Variants in PDSS2 observed in about 807,000 individuals in gnomAD.
PDSS2 encodes decaprenyl diphosphate synthase subunit 2.
PDSS2 carries 31 observed loss-of-function variants against 44.5 expected under a neutral mutation model. That is an observed-to-expected ratio of 0.70 (90% CI 0.52 to 0.94). PDSS2 has a LOEUF of 0.94. Ranked by LOEUF, PDSS2 falls within the 40% of genes least tolerant of loss-of-function variation. PDSS2 has a pLI of 0.00. For synonymous variants in PDSS2, 157 were observed against 180.3 expected (o/e 0.87, Z 1.03); for missense variants, 452 against 482.2 (o/e 0.94, Z 0.59).
intron 1 of PDSS2, among the ~76,000 whole-genome samples, chr6:107,345,178 G>A (rs1490884034): frequency 6.6e-6 from 1 of 151,852 alleles, no homozygotes. Flanking sequence ...CAGCCCGTCT[G>A]TGCAGAGAAT....
In PDSS2 at chr6:107,421,928, T is replaced by C. The variant is rs1450262198; in HGVS notation, c.296+37062A>G. Among the ~76,000 whole-genome samples, 7 of 151,948 alleles carry C rather than the reference T, an allele frequency of 4.6e-5. No homozygotes were observed. In the East Asian group the frequency reaches 1.2e-3, roughly 25 times the overall value. On this transcript the variant is annotated intron_variant, in intron 1 of 7. Coordinates refer to ENST00000369037, the MANE Select transcript of PDSS2 (RefSeq NM_020381.4). ...AATGCCAATTTCCTGGTTTAAATAATGTTCTATACTTATGCAAGATGTTAC... is the reference window on the plus strand; with the variant it reads ...AATGCCAATTTCCTGGTTTAAATAACGTTCTATACTTATGCAAGATGTTAC...
intron 1 of PDSS2, among the ~76,000 whole-genome samples, chr6:107,457,509 C>T (rs1358065646): frequency 6.6e-6 from 1 of 152,172 alleles, no homozygotes; most frequent in Non-Finnish European, 1.5e-5. Context: ...GTGGGTCTGT[C>T]CTGGGAATTG....
intron 6 of PDSS2, among the ~76,000 whole-genome samples, chr6:107,195,481 C>CAA (rs762125818): frequency 0.026 from 2,246 of 87,654 alleles, 86 homozygotes; most frequent in African/African-American, 0.07. Context: ...GATCCTGTCT[C>CAA]AAAAAAAAAA....
chr6:107,389,036 G>A (rs1399370188), intron 1 of PDSS2, among the ~76,000 whole-genome samples: 1 of 152,136 alleles, frequency 6.6e-6, no homozygotes, highest in Non-Finnish European at 1.5e-5. Flanking sequence ...CTAAAGTAAG[G>A]AATAGAAAAC....
At chr6:107,212,355 A>C in intron 4 of PDSS2, 73 bp from the exon 5 acceptor site, 1 of 1,294,788 alleles carries the variant, frequency 7.7e-7, no homozygotes, top group Non-Finnish European at 1.1e-6. Context: ...TTGAAGAATA[A>C]AAAAGTTAAG....
chr6:107,203,690 T>C (rs78908378), intron 6 of PDSS2, among the ~76,000 whole-genome samples: 3,128 of 152,220 alleles, frequency 0.021, 103 homozygotes, highest in African/African-American at 0.072. Flanking sequence ...TTTAATCATT[T>C]AAAACAGTAT....
At chr6:107,173,572 C>CAAAAAAAAAAAAAAAAAAAAAAAAAA (rs71012783) in intron 7 of PDSS2, among the ~76,000 whole-genome samples, 8 of 41,512 alleles carry the variant, frequency 1.9e-4, no homozygotes, top group African/African-American at 8.8e-4. Context: ...GACTCTGTCT[C>CAAAAAAAAAAAAAAAAAAAAAAAAAA]AAAAAAAAAA....
At chr6:107,421,095 G>A (rs566821629) in intron 1 of PDSS2, among the ~76,000 whole-genome samples, 1 of 152,202 alleles carries the variant, frequency 6.6e-6, no homozygotes, top group African/African-American at 2.4e-5. Flanking sequence ...ATGAAAAAAC[G>A]TTCGACATCA....
chr6:107,321,481 C>G (rs1304447741), intron 2 of PDSS2, among the ~76,000 whole-genome samples: 1 of 152,200 alleles, frequency 6.6e-6, no homozygotes, highest in Non-Finnish European at 1.5e-5. Context: ...CTTCTATGTT[C>G]TAGCTCTAAA....
At chr6:107,279,304 A>G (rs1377398722) in intron 2 of PDSS2, among the ~76,000 whole-genome samples, 2 of 152,224 alleles carry the variant, frequency 1.3e-5, no homozygotes, top group African/African-American at 4.8e-5. Context: ...AAAGTTATCA[A>G]TGTTACCATC....
chr6:107,164,253 G>A (rs1307242169), intron 7 of PDSS2, among the ~76,000 whole-genome samples: 4 of 152,066 alleles, frequency 2.6e-5, no homozygotes, highest in African/African-American at 7.2e-5. Context: ...TGCCATGTTG[G>A]TGTGCTGCAT....
At chr6:107,277,999 A>C (rs963044933) in intron 2 of PDSS2, among the ~76,000 whole-genome samples, 6 of 151,514 alleles carry the variant, frequency 4.0e-5, no homozygotes, top group African/African-American at 1.4e-4. Flanking sequence ...ATAAATAAAT[A>C]AATATAAAAT....
chr6:107,225,137 T>TATATATATATATATATATATATA (rs1446558243), intron 4 of PDSS2, among the ~76,000 whole-genome samples: 1 of 62,396 alleles, frequency 1.6e-5, no homozygotes, highest in Admixed American at 2.4e-4. Flanking sequence ...ATATATATTT[T>TATATATATATATATATATATATA]TATATATATA....
chr6:107,357,184 T>C (rs1303606448), intron 1 of PDSS2, among the ~76,000 whole-genome samples: 2 of 152,148 alleles, frequency 1.3e-5, no homozygotes, highest in Non-Finnish European at 2.9e-5. Flanking sequence ...ACAGGAACTC[T>C]AGTCTTCCTG....
intron 2 of PDSS2, among the ~76,000 whole-genome samples, chr6:107,300,425 C>T (rs568969110): frequency 1.3e-5 from 2 of 152,232 alleles, no homozygotes; most frequent in Admixed American, 1.3e-4. Flanking sequence ...GACTGAGAGA[C>T]AGGACAAGCT....
chr6:107,280,522 T>C (rs1238109838), intron 2 of PDSS2, among the ~76,000 whole-genome samples: 1 of 152,234 alleles, frequency 6.6e-6, no homozygotes, highest in African/African-American at 2.4e-5. Flanking sequence ...AAATTTCATC[T>C]GCTTTTGATC....
intron 1 of PDSS2, among the ~76,000 whole-genome samples, chr6:107,454,939 G>A (rs147349132): frequency 6.6e-6 from 1 of 152,258 alleles, no homozygotes; most frequent in East Asian, 1.9e-4. Flanking sequence ...AATATATACA[G>A]ATACATATCC....
chr6:107,207,495 T>C (rs1773022357), intron 6 of PDSS2, among the ~76,000 whole-genome samples: 1 of 152,180 alleles, frequency 6.6e-6, no homozygotes, highest in South Asian at 2.1e-4. Flanking sequence ...ATGCAAATTG[T>C]GTTCCCTATT....
chr6:107,362,549 C>T (rs567957398), intron 1 of PDSS2, among the ~76,000 whole-genome samples: 31 of 152,190 alleles, frequency 2.0e-4, no homozygotes, highest in Non-Finnish European at 3.8e-4. Flanking sequence ...AAACTAACAA[C>T]AACCAAGGTC....
Sources: allele counts gnomAD v4.1 joint callset (sites outside exome capture counted in the v4.1 genomes callset), GRCh38; gene constraint gnomAD v4.1.1; transcripts MANE v1.5; gene names NCBI Gene and HGNC (gene_info 2026-07-23, HGNC 2026-07-21).